Variants in CDH12 observed in about 807,000 individuals in gnomAD.
The protein encoded by CDH12 is cadherin 12.
In CDH12, 41 loss-of-function variants were observed where a neutral mutation model predicts 74.1. That is an observed-to-expected ratio of 0.55 (90% CI 0.43 to 0.72). The LOEUF is 0.72. Among genes scored for constraint, CDH12 ranks in the 30% least tolerant of loss-of-function variants. The pLI is 0.00. For synonymous variants in CDH12, 399 were observed against 355.0 expected (o/e 1.12, Z -1.39); for missense variants, 945 against 977.2 (o/e 0.97, Z 0.44).
chr5:22,665,326 A>T (rs1740560416), intron 1 of CDH12, among the ~76,000 whole-genome samples: 1 of 152,202 alleles, frequency 6.6e-6, no homozygotes, highest in South Asian at 2.1e-4. Context: ...TTTCTAGCTG[A>T]AATTTTTTTT....
intron 6 of CDH12, among the ~76,000 whole-genome samples, chr5:21,941,369 A>G (rs1490699423): frequency 6.6e-6 from 1 of 152,224 alleles, no homozygotes; most frequent in Non-Finnish European, 1.5e-5. Context: ...AAAGATAAAA[A>G]TTAAGATGAG....
At chr5:22,033,513 T>C (rs1339925425) in intron 5 of CDH12, among the ~76,000 whole-genome samples, 2 of 152,230 alleles carry the variant, frequency 1.3e-5, no homozygotes, top group Non-Finnish European at 2.9e-5. Context: ...GTTAGTTTTA[T>C]AATAGATTGT....
chr5:22,841,021 C>T (rs1737059438), intron 1 of CDH12, among the ~76,000 whole-genome samples: 1 of 152,184 alleles, frequency 6.6e-6, no homozygotes, highest in Non-Finnish European at 1.5e-5. Context: ...GCACAGACTA[C>T]ACAGACACTT....
intron 10 of CDH12, among the ~76,000 whole-genome samples, chr5:21,793,159 A>G (rs890651978): frequency 1.3e-5 from 2 of 151,710 alleles, no homozygotes; most frequent in African/African-American, 4.8e-5. Context: ...TGTTCTCCCC[A>G]TTAAGACTTG....
At chr5:22,490,440 C>T (rs977038073) in intron 2 of CDH12, among the ~76,000 whole-genome samples, 2 of 151,566 alleles carry the variant, frequency 1.3e-5, no homozygotes, top group African/African-American at 4.9e-5. Flanking sequence ...TTAATCAAAC[C>T]AGGAAATACC....
rs138775423 is a variant in CDH12 at position 22,841,366 on chromosome 5, G to A, written c.-523+11692C>T. Among the ~76,000 whole-genome samples, 645 of 152,256 alleles carry A rather than the reference G, an allele frequency of 4.2e-3. 3 individuals are homozygous for A. The highest frequency in any genetic ancestry group is 7.5e-3 in the South Asian group (36 of 4,826). On this transcript the variant is annotated intron_variant, in intron 1 of 14. Coordinates refer to ENST00000382254, the MANE Select transcript of CDH12 (RefSeq NM_004061.5). ...TGGAAGGATGGAGTTGATGTTGACC[G>A]ACATCGTGAAATCTGAGCATAGAAT...
chr5:22,060,440 C>A (rs2150205322), intron 5 of CDH12, among the ~76,000 whole-genome samples: 1 of 152,060 alleles, frequency 6.6e-6, no homozygotes, highest in Admixed American at 6.6e-5. Context: ...ACCTATGTAA[C>A]AAACCTACAC....
chr5:22,809,087 CA>C (rs201395105), intron 1 of CDH12, among the ~76,000 whole-genome samples: 42 of 137,786 alleles, frequency 3.0e-4, no homozygotes, highest in African/African-American at 2.7e-4. Context: ...TCGTTGAAGG[CA>C]AAAAAAAAAA....
chr5:22,716,525 A>G (rs531497996), intron 1 of CDH12, among the ~76,000 whole-genome samples: 1 of 152,066 alleles, frequency 6.6e-6, no homozygotes, highest in African/African-American at 2.4e-5. Flanking sequence ...TAATAATTCT[A>G]TCATTGGTTT....
rs549317580 is a variant in CDH12 at position 22,415,166 on chromosome 5, TA to T, written c.-427-9816del. On this transcript the variant is annotated intron_variant, in intron 2 of 14. Transcript: ENST00000382254. ...TTCATTCTATAAGTAGCTCAGGTAG[TA>T]TTTTTAAAGTGCCTAAAAATAAGTA... Among the ~76,000 whole-genome samples, 439 of 152,292 alleles carry T rather than the reference TA, an allele frequency of 2.9e-3. 4 individuals carry two copies. Among genetic ancestry groups the T allele is most frequent in the African/African-American group, 0.01 (416 of 41,560 alleles).
intron 1 of CDH12, among the ~76,000 whole-genome samples, chr5:22,714,882 G>C (rs946661506): frequency 1.3e-5 from 2 of 152,180 alleles, no homozygotes; most frequent in African/African-American, 4.8e-5. Flanking sequence ...TGCTTGAACA[G>C]ATGTAAAACT....
chr5:22,555,288 A>C (rs1738751356), intron 1 of CDH12, among the ~76,000 whole-genome samples: 1 of 152,052 alleles, frequency 6.6e-6, no homozygotes, highest in African/African-American at 2.4e-5. Flanking sequence ...AAAAGCCATG[A>C]ATTTTCTTAC....
intron 1 of CDH12, among the ~76,000 whole-genome samples, chr5:22,584,962 C>A (rs1740308857): frequency 6.6e-6 from 1 of 152,058 alleles, no homozygotes; most frequent in Non-Finnish European, 1.5e-5. Flanking sequence ...CTAAAAAAAA[C>A]CTTGTAAGGA....
At chr5:22,057,656 T>A (rs1189973670) in intron 5 of CDH12, among the ~76,000 whole-genome samples, 1 of 152,132 alleles carries the variant, frequency 6.6e-6, no homozygotes, top group Non-Finnish European at 1.5e-5. Context: ...CTTTCCTCTA[T>A]CCTCTCCTCC....
At chr5:22,689,206 G>A (rs146256403) in intron 1 of CDH12, among the ~76,000 whole-genome samples, 259 of 152,276 alleles carry the variant, frequency 1.7e-3, no homozygotes, top group African/African-American at 6.1e-3. Flanking sequence ...TTTTGGAATT[G>A]TAGATATTCT....
chr5:22,407,457 A>G (rs1164161275), intron 2 of CDH12, among the ~76,000 whole-genome samples: 4 of 152,098 alleles, frequency 2.6e-5, no homozygotes, highest in Non-Finnish European at 5.9e-5. Flanking sequence ...TATCCTGTTT[A>G]AGTTACTAAT....
At chr5:22,168,221 T>C (rs927197403) in intron 4 of CDH12, among the ~76,000 whole-genome samples, 1 of 152,088 alleles carries the variant, frequency 6.6e-6, no homozygotes, top group Non-Finnish European at 1.5e-5. Context: ...AATATGTATA[T>C]TTATAATATG....
chr5:22,714,016 T>G (rs1339865103), intron 1 of CDH12, among the ~76,000 whole-genome samples: 1 of 152,216 alleles, frequency 6.6e-6, no homozygotes, highest in Admixed American at 6.5e-5. Context: ...CGTTATGTTG[T>G]TTCAGACATA....
At chr5:22,068,396 CA>C (rs1426368835) in intron 5 of CDH12, among the ~76,000 whole-genome samples, 1 of 152,184 alleles carries the variant, frequency 6.6e-6, no homozygotes, top group Admixed American at 6.5e-5. Context: ...CTGAAATTGA[CA>C]GCTGCAGTAT....
Sources: allele counts gnomAD v4.1 joint callset (sites outside exome capture counted in the v4.1 genomes callset), GRCh38; gene constraint gnomAD v4.1.1; transcripts MANE v1.5; gene names NCBI Gene and HGNC (gene_info 2026-07-23, HGNC 2026-07-21).